Variants in COL4A4 observed in about 807,000 individuals in gnomAD.
COL4A4 encodes collagen alpha-4(IV) chain.
In COL4A4, 105 loss-of-function variants were observed where a neutral mutation model predicts 192.9. That is an observed-to-expected ratio of 0.54 (90% CI 0.46 to 0.64). The LOEUF (loss-of-function observed/expected upper bound fraction) is 0.64, where lower values mean the gene tolerates loss of function less well. COL4A4 is among the 30% of genes least tolerant of loss of function. The pLI is 0.00. For missense variants in COL4A4, 1,967 were observed against 2,169.3 expected (o/e 0.91, Z 1.85); for synonymous variants, 762 against 769.9 (o/e 0.99, Z 0.17).
At chr2:227,056,598 T>G (rs2396444) in intron 29 of COL4A4, among the ~76,000 whole-genome samples, 98,568 of 152,190 alleles carry the variant, frequency 0.65, 32,516 homozygotes, top group African/African-American at 0.77. Flanking sequence ...CAATGGGATT[T>G]AAATGACAGA....
At chr2:227,063,917 A>G (rs747557757) in intron 25 of COL4A4, among the ~76,000 whole-genome samples, 12 of 152,094 alleles carry the variant, frequency 7.9e-5, no homozygotes, top group Non-Finnish European at 1.5e-4. Context: ...TGGTATGTCA[A>G]ATAAAACAAC....
the COL4A4 span, among the ~76,000 whole-genome samples, chr2:226,969,394 CTTT>C: frequency 2.6e-5 from 3 of 115,516 alleles, no homozygotes; most frequent in Admixed American, 1.9e-4. Flanking sequence ...ACAGCTCAGC[CTTT>C]TTTTTTTTTT....
intron 25 of COL4A4, among the ~76,000 whole-genome samples, chr2:227,064,826 A>G (rs373416429): frequency 7.9e-5 from 12 of 152,244 alleles, no homozygotes; most frequent in Admixed American, 3.9e-4. Context: ...ATTTTCAGAC[A>G]AGCAAATGCT....
At position 227,030,591 on chromosome 2, in the gene COL4A4, A is replaced by G. The variant is rs926864001; in HGVS notation, c.3825T>C (p.Pro1275=). The part of the protein sequence containing the change: ...PPGPDGPRGA[P]GPPGLPGSVD... ...CACTCCCAGGGAGGCCTGGAGGCCC[A>G]GGTGCTCCTGACCACAGAGAAGAGA... Residue 1275 remains proline, a synonymous_variant, in exon 41 of 48, where the codon CCT becomes CCC. Coordinates refer to ENST00000396625, the MANE Select transcript of COL4A4 (RefSeq NM_000092.5). 2 of 1,605,638 alleles carry G rather than the reference A, an allele frequency of 1.2e-6. No homozygotes were observed. The highest frequency in any genetic ancestry group is 1.7e-6 in the Non-Finnish European group (2 of 1,176,610).
the COL4A4 span, among the ~76,000 whole-genome samples, chr2:226,990,215 C>A: frequency 1.3e-5 from 2 of 152,058 alleles, no homozygotes. Flanking sequence ...CCTTTTTGGT[C>A]TTTGACGGTA....
At chr2:227,089,500 G>A (rs1232189726) in intron 21 of COL4A4, among the ~76,000 whole-genome samples, 1 of 150,290 alleles carries the variant, frequency 6.7e-6, no homozygotes. Context: ...CATCAATACT[G>A]TCCTATCACT....
chr2:227,150,040 G>T (rs182239338), intron 1 of COL4A4, among the ~76,000 whole-genome samples: 1 of 152,160 alleles, frequency 6.6e-6, no homozygotes, highest in African/African-American at 2.4e-5. Flanking sequence ...ATTCACAGAT[G>T]TATCCCCAGT....
At chr2:226,973,057 G>A in the COL4A4 span, among the ~76,000 whole-genome samples, 2 of 152,160 alleles carry the variant, frequency 1.3e-5, no homozygotes, top group African/African-American at 4.8e-5. Context: ...CTGAGTTTGG[G>A]TTGTGCCCTG....
chr2:227,055,855 C>G (rs1001745201), intron 30 of COL4A4, 90 bp downstream of exon 30: 3 of 1,199,020 alleles, frequency 2.5e-6, no homozygotes, highest in African/African-American at 1.5e-5. Context: ...ACAGTTAACT[C>G]TTTTTGTGTG....
At position 227,117,837 on chromosome 2, in the gene COL4A4, C is replaced by A. The variant is rs533806559; in HGVS notation, c.489+808G>T. The stretch of plus-strand genomic sequence containing the variant: ...AGAGCCGTAAGTTTTCCCCCAAGTG[C>A]TGGATACTATCAACTGTTGCTGGAC... On this transcript the variant is annotated intron_variant, in intron 7 of 47. Transcript: ENST00000396625. 2.0e-5 allele frequency among the ~76,000 whole-genome samples: 3 copies of A among 152,246 alleles called. No homozygotes were observed. In the South Asian group the frequency reaches 6.2e-4, roughly 32 times the overall value.
chr2:227,142,106 A>C (rs985726638), intron 3 of COL4A4, among the ~76,000 whole-genome samples: 5 of 145,320 alleles, frequency 3.4e-5, no homozygotes, highest in African/African-American at 1.4e-4. Context: ...TCAAAAAAAA[A>C]AAAAAAAAAA....
the COL4A4 span, among the ~76,000 whole-genome samples, chr2:226,968,797 G>A: frequency 2.0e-5 from 3 of 152,334 alleles, no homozygotes; most frequent in Non-Finnish European, 4.4e-5. Context: ...TATAATCGGT[G>A]TTTGCAGAAT....
intron 43 of COL4A4, among the ~76,000 whole-genome samples, chr2:227,023,298 C>G (rs557614081): frequency 1.3e-5 from 2 of 151,300 alleles, no homozygotes; most frequent in South Asian, 4.2e-4. Context: ...AAAAAAATAG[C>G]TGGGTGTAGT....
chr2:227,137,323 A>G (rs1178870799), intron 4 of COL4A4, among the ~76,000 whole-genome samples: 1 of 152,230 alleles, frequency 6.6e-6, no homozygotes, highest in Admixed American at 6.5e-5. Context: ...CCAAGTTTAC[A>G]AAGTGATGCT....
rs1204380807 is a variant in COL4A4, at chr2:227,089,884, G to T, written c.1443C>A (p.Gly481=). The T allele has an allele frequency of 3.7e-6, 6 of 1,613,314 alleles. No individual in the cohort carries two copies. Among genetic ancestry groups the T allele is most frequent in the East Asian group, 4.5e-5 (2 of 44,842 alleles). The change falls in exon 21 of 48, where the codon GGC becomes GGA. Residue 481 remains glycine, a synonymous_variant. Transcript: ENST00000396625. ...CCTACTTGCCTTTTTCTCCTTTTGGGCCTCTTCCTCCTGGGGGACCAACTT... is the reference window on the plus strand; with the variant it reads ...CCTACTTGCCTTTTTCTCCTTTTGGTCCTCTTCCTCCTGGGGGACCAACTT... The part of the protein sequence containing the change: ...KGKVGPPGGR[G]PKGEKGNEGL...
At chr2:227,127,306 A>T (rs2062146412) in intron 4 of COL4A4, among the ~76,000 whole-genome samples, 1 of 152,218 alleles carries the variant, frequency 6.6e-6, no homozygotes, top group Non-Finnish European at 1.5e-5. Context: ...CCACTAGATC[A>T]TCTCTTTCTT....
chr2:227,068,687 C>T (rs1386141109), intron 25 of COL4A4, among the ~76,000 whole-genome samples: 4 of 151,594 alleles, frequency 2.6e-5, no homozygotes, highest in Non-Finnish European at 5.9e-5. Context: ...TAAAAACTCT[C>T]AATAAATTAG....
At chr2:226,996,512 T>C in the COL4A4 span, 1 of 152,200 alleles carries the variant, frequency 6.6e-6, no homozygotes, top group Non-Finnish European at 1.5e-5. Context: ...GTTCCATGAA[T>C]AAAAGGACAA....
In COL4A4 at chr2:227,006,218, C is replaced by T. The variant is rs1487441624; in HGVS notation, c.*1107G>A. The T allele has an allele frequency of 6.6e-6, 1 of 152,630 alleles. No homozygotes were observed. The highest frequency in any genetic ancestry group is 1.9e-4 in the East Asian group (1 of 5,194). 9.5% of individuals were successfully genotyped at this position (152,630 alleles called of 1,614,324 possible). On this transcript the variant is annotated 3_prime_UTR_variant, in exon 48 of 48. Coordinates refer to ENST00000396625, the MANE Select transcript of COL4A4 (RefSeq NM_000092.5). The stretch of plus-strand genomic sequence containing the variant: ...TTACCTAAGTTTAATTAAATCGGCC[C>T]TTAATTTTCTCCCAAGTGCATAATG...
Sources: gnomAD v4.1 joint callset for allele counts (sites outside exome capture counted in the v4.1 genomes callset) on GRCh38, gnomAD v4.1.1 for gene constraint, MANE v1.5 for transcripts, NCBI Gene and HGNC (gene_info 2026-07-23, HGNC 2026-07-21) for gene names.